The following CSMD1 variants were observed in gnomAD, a reference collection of about 807,000 sequenced individuals.
The protein encoded by CSMD1 is CUB and sushi domain-containing protein 1.
Under a neutral mutation model 417.5 loss-of-function variants are expected in CSMD1, and 213 were observed. The observed-to-expected ratio is 0.51, with a 90% CI of 0.46 to 0.57. The LOEUF is 0.57. Among genes scored for constraint, CSMD1 ranks in the 20% least tolerant of loss-of-function variants. CSMD1 has a pLI of 0.00. For synonymous variants in CSMD1, 2,862 were observed against 1,736.8 expected (o/e 1.65, Z -16.11); for missense variants, 6,923 against 4,529.7 (o/e 1.53, Z -15.17).
At chr8:3,241,660 C>T (rs900102302) in intron 26 of CSMD1, among the ~76,000 whole-genome samples, 13 of 152,086 alleles carry the variant, frequency 8.5e-5, no homozygotes, top group Non-Finnish European at 1.5e-4. Context: ...GGCCTGGTGG[C>T]CAGATTTCTG....
chr8:3,384,244 T>A (rs947943101), intron 18 of CSMD1, among the ~76,000 whole-genome samples: 4 of 152,098 alleles, frequency 2.6e-5, no homozygotes, highest in African/African-American at 9.7e-5. Context: ...AATTTTCACA[T>A]AATAATTTTA....
intron 7 of CSMD1, among the ~76,000 whole-genome samples, chr8:3,657,204 A>G (rs1399742436): frequency 1.3e-5 from 2 of 152,218 alleles, no homozygotes; most frequent in African/African-American, 4.8e-5. Flanking sequence ...CTATGTTTAC[A>G]TCATTTCATT....
intron 1 of CSMD1, among the ~76,000 whole-genome samples, chr8:4,809,052 AGT>A (rs139197713): frequency 6.6e-6 from 1 of 152,348 alleles, no homozygotes; most frequent in African/African-American, 2.4e-5. Flanking sequence ...CACACAGATG[AGT>A]ACAGCTTCAC....
intron 1 of CSMD1, among the ~76,000 whole-genome samples, chr8:4,784,645 C>G (rs903166027): frequency 1.3e-5 from 2 of 152,062 alleles, no homozygotes; most frequent in African/African-American, 4.8e-5. Context: ...CATTATGCCT[C>G]CATTAAAAGA....
chr8:4,491,078 G>C (rs1271379745), intron 2 of CSMD1, among the ~76,000 whole-genome samples: 1 of 152,064 alleles, frequency 6.6e-6, no homozygotes, highest in Non-Finnish European at 1.5e-5. Flanking sequence ...GACCTAATAA[G>C]ACATGAGCTA....
intron 7 of CSMD1, among the ~76,000 whole-genome samples, chr8:3,631,737 G>C (rs572589157): frequency 6.6e-6 from 1 of 152,196 alleles, no homozygotes; most frequent in African/African-American, 2.4e-5. Flanking sequence ...TCTGAGAATA[G>C]CATTTGATTA....
At chr8:4,536,488 C>T (rs544286225) in intron 2 of CSMD1, among the ~76,000 whole-genome samples, 3 of 151,936 alleles carry the variant, frequency 2.0e-5, no homozygotes, top group African/African-American at 7.3e-5. Flanking sequence ...CTTTCTCTAC[C>T]TTGTCTTTTT....
intron 10 of CSMD1, among the ~76,000 whole-genome samples, chr8:3,497,677 C>T (rs1387450372): frequency 6.6e-6 from 1 of 152,216 alleles, no homozygotes; most frequent in Non-Finnish European, 1.5e-5. Context: ...TCAGTTTAGT[C>T]TATGCCTTTA....
At chr8:4,458,430 G>T (rs926402977) in intron 2 of CSMD1, among the ~76,000 whole-genome samples, 3 of 152,014 alleles carry the variant, frequency 2.0e-5, no homozygotes, top group African/African-American at 7.2e-5. Context: ...TTTATCAGTT[G>T]GTTTCTAAAA....
chr8:4,555,450 C>A (rs1198741918), intron 2 of CSMD1, among the ~76,000 whole-genome samples: 1 of 152,082 alleles, frequency 6.6e-6, no homozygotes, highest in Non-Finnish European at 1.5e-5. Flanking sequence ...TGTCAAGGAC[C>A]TCACAAATCA....
chr8:3,651,584 T>C (rs1009802798), intron 7 of CSMD1, among the ~76,000 whole-genome samples: 8 of 152,098 alleles, frequency 5.3e-5, no homozygotes, highest in Non-Finnish European at 7.3e-5. Flanking sequence ...TCTAGAACAC[T>C]AGAATAGCCC....
intron 3 of CSMD1, among the ~76,000 whole-genome samples, chr8:4,385,747 T>C (rs1803405747): frequency 6.6e-6 from 1 of 152,216 alleles, no homozygotes; most frequent in South Asian, 2.1e-4. Flanking sequence ...TATAAAAATC[T>C]AAAGAGGAAT....
Position 3,760,083 on chromosome 8 carries a change from A to T in CSMD1, c.819-6041T>A, listed in dbSNP as rs567896930. Among the ~76,000 whole-genome samples the T allele has an allele frequency of 5.9e-5, 9 of 152,196 alleles. No homozygotes were observed. The South Asian group carries it at 1.9e-3, about 32-fold the overall frequency. The stretch of plus-strand genomic sequence containing the variant: ...AGGTCAGGGATATTGGTGCTTAAAA[A>T]ACAAGGGGGTTGAGAAGTGAGAAAA... On this transcript the variant is annotated intron_variant, in intron 5 of 69. Coordinates refer to ENST00000635120, the MANE Select transcript of CSMD1 (RefSeq NM_033225.6).
At chr8:3,495,413 G>A (rs576238590) in intron 10 of CSMD1, among the ~76,000 whole-genome samples, 1 of 152,254 alleles carries the variant, frequency 6.6e-6, no homozygotes, top group South Asian at 2.1e-4. Flanking sequence ...TGTACAGATA[G>A]GGGTCACACT....
intron 10 of CSMD1, among the ~76,000 whole-genome samples, chr8:3,507,568 A>G (rs1796881929): frequency 6.6e-6 from 1 of 152,204 alleles, no homozygotes; most frequent in Non-Finnish European, 1.5e-5. Flanking sequence ...TAGATCCCTG[A>G]GGAATCGCCA....
chr8:4,942,100 T>C (rs1283052932), intron 1 of CSMD1, among the ~76,000 whole-genome samples: 1 of 152,166 alleles, frequency 6.6e-6, no homozygotes, highest in Non-Finnish European at 1.5e-5. Context: ...CAGGTAACAT[T>C]CCACAATTCC....
At chr8:3,442,993 C>A (rs368747008) in intron 12 of CSMD1, among the ~76,000 whole-genome samples, 1 of 152,084 alleles carries the variant, frequency 6.6e-6, no homozygotes, top group Non-Finnish European at 1.5e-5. Flanking sequence ...AAATTGTCCT[C>A]TTTCTATAGG....
intron 5 of CSMD1, among the ~76,000 whole-genome samples, chr8:3,800,275 G>C (rs1800384816): frequency 6.6e-6 from 1 of 152,074 alleles, no homozygotes; most frequent in Non-Finnish European, 1.5e-5. Context: ...GGGAATACAA[G>C]AAGTTTAATG....
chr8:4,233,627 C>G (rs942867437), intron 3 of CSMD1, among the ~76,000 whole-genome samples: 16 of 152,162 alleles, frequency 1.1e-4, no homozygotes, highest in Non-Finnish European at 8.8e-5. Context: ...TGATCTTGGA[C>G]TGCCCAGATG....
Sources: gnomAD v4.1 joint callset for allele counts (sites outside exome capture counted in the v4.1 genomes callset) on GRCh38, gnomAD v4.1.1 for gene constraint, MANE v1.5 for transcripts, NCBI Gene and HGNC (gene_info 2026-07-23, HGNC 2026-07-21) for gene names.